Variants in IL27RA observed in about 807,000 individuals in gnomAD.
IL27RA encodes interleukin 27 receptor subunit alpha.
IL27RA carries 61 observed loss-of-function variants against 80.8 expected under a neutral mutation model. The ratio of observed to expected loss-of-function variants is 0.76; its 90% CI spans 0.61 to 0.93. The LOEUF is 0.93. Ranked by LOEUF, IL27RA falls within the 40% of genes least tolerant of loss-of-function variation. IL27RA has a pLI of 0.00. For missense variants in IL27RA, 735 were observed against 808.1 expected (o/e 0.91, Z 1.10); for synonymous variants, 316 against 332.5 (o/e 0.95, Z 0.54).
At chr19:14,032,805 C>CAAAAAAAA (rs60328140) in intron 2 of IL27RA, among the ~76,000 whole-genome samples, 1 of 60,776 alleles carries the variant, frequency 1.6e-5, no homozygotes, top group Non-Finnish European at 3.2e-5. Context: ...GACTCTGTCT[C>CAAAAAAAA]AAAAAAAAAA....
intron 2 of IL27RA, among the ~76,000 whole-genome samples, chr19:14,032,822 A>G (rs1045510933): frequency 7.5e-4 from 87 of 116,194 alleles, no homozygotes; most frequent in Middle Eastern, 4.4e-3. Context: ...AAAAAAAAAA[A>G]AAAAGAAAAG....
chr19:14,032,798 T>C (rs1975839957), intron 2 of IL27RA, among the ~76,000 whole-genome samples: 2 of 107,098 alleles, frequency 1.9e-5, no homozygotes, highest in African/African-American at 4.8e-5. Context: ...AGAGGGAGAC[T>C]CTGTCTCAAA....
chr19:14,033,863 C>T (rs1210767251), intron 2 of IL27RA, among the ~76,000 whole-genome samples: 1 of 151,904 alleles, frequency 6.6e-6, no homozygotes, highest in African/African-American at 2.4e-5. Context: ...ACTCAGGAGG[C>T]TGAGGCAGGA....
chr19:14,035,438 C>G (rs1459500836), intron 2 of IL27RA, among the ~76,000 whole-genome samples: 1 of 151,934 alleles, frequency 6.6e-6, no homozygotes, highest in African/African-American at 2.4e-5. Context: ...TCTTGTTGCC[C>G]AGGCTGGAGT....
chr19:14,035,500 A>G (rs1975884462), intron 2 of IL27RA, among the ~76,000 whole-genome samples: 1 of 152,000 alleles, frequency 6.6e-6, no homozygotes, highest in South Asian at 2.1e-4. Flanking sequence ...GGTTCCAGCA[A>G]TTCTCCTGCC....
intron 2 of IL27RA, among the ~76,000 whole-genome samples, chr19:14,033,826 T>C (rs1975857773): frequency 6.6e-6 from 1 of 151,956 alleles, no homozygotes; most frequent in Non-Finnish European, 1.5e-5. Context: ...TTAGCCGATG[T>C]GGTGGTGCAT....
chr19:14,036,423 G>A (rs1182184907), intron 2 of IL27RA, among the ~76,000 whole-genome samples: 1 of 151,398 alleles, frequency 6.6e-6, no homozygotes, highest in South Asian at 2.1e-4. Flanking sequence ...TTGTCTTTCC[G>A]TGTCTTATTT....
chr19:14,046,473 T>C lies in IL27RA; in HGVS notation c.996T>C (p.Ala332=). ...GTAGCGTGGCAGTCAGCAGCATCGCTGGGAGCACGGAGCTACTGGTGACCT... is the reference window on the plus strand; with the variant it reads ...GTAGCGTGGCAGTCAGCAGCATCGCCGGGAGCACGGAGCTACTGGTGACCT... The part of the protein sequence containing the change: ...APRSVAVSSI[A]GSTELLVTWQ... Residue 332 remains alanine, a synonymous_variant, in exon 8 of 14, where the codon GCT becomes GCC. Coordinates refer to ENST00000263379, the MANE Select transcript of IL27RA (RefSeq NM_004843.4). 6.2e-7 allele frequency: 1 copy of C among 1,614,096 alleles called. No individual in the cohort carries two copies. Among genetic ancestry groups the C allele is most frequent in the Non-Finnish European group, 8.5e-7 (1 of 1,180,018 alleles).
intron 2 of IL27RA, among the ~76,000 whole-genome samples, chr19:14,037,451 C>T (rs1051237882): frequency 1.3e-5 from 2 of 151,576 alleles, no homozygotes; most frequent in African/African-American, 4.9e-5. Flanking sequence ...GATGGGGTTT[C>T]ACGATGTTGT....
At position 14,039,668 on chromosome 19, in the gene IL27RA, A is replaced by G; in HGVS notation, c.376+3A>G. 6.2e-7 allele frequency: 1 copy of G among 1,613,038 alleles called. No individual in the cohort carries two copies. On this transcript the variant is annotated splice_donor_region_variant and intron_variant, in intron 3 of 13. Transcript: ENST00000263379. ...CTTCGTGAACCTAGAAACCCAAAGT[A>G]ACGTGGCAGGAGGGTGGGCGCTCTA...
rs1351539100 is a variant in IL27RA, at chr19:14,051,876, C to G, written c.1623-4C>G. ...TGCTGCCCTGACTACTCCTGTCTTG[C>G]CAGGTGCTACCACCTAAGGCACAAA... On this transcript the variant is annotated splice_polypyrimidine_tract_variant and splice_region_variant and intron_variant, in intron 12 of 13. Coordinates refer to ENST00000263379, the MANE Select transcript of IL27RA (RefSeq NM_004843.4). 1 of 1,574,954 alleles carries G rather than the reference C, an allele frequency of 6.3e-7. No individual in the cohort carries two copies. Among genetic ancestry groups the G allele is most frequent in the Admixed American group, 1.9e-5 (1 of 54,040 alleles).
chr19:14,046,180 C>G lies in IL27RA; in HGVS notation c.795C>G (p.Ser265Arg). Residue 265 changes from serine to arginine, a missense_variant, in exon 7 of 14, where the codon AGC becomes AGG. Coordinates refer to ENST00000263379, the MANE Select transcript of IL27RA (RefSeq NM_004843.4). ...WKAPGPCVQV[S>R]YKVWFWVGGR... is the part of the protein sequence containing the mutation. ...CCCCAGGGCCCTGTGTGCAGGTGAGCTACAAAGTCTGGTTCTGGGTTGGAG... is the reference window on the plus strand; with the variant it reads ...CCCCAGGGCCCTGTGTGCAGGTGAGGTACAAAGTCTGGTTCTGGGTTGGAG... 1 of 1,614,178 alleles carries G rather than the reference C, an allele frequency of 6.2e-7. No homozygotes were observed. The highest frequency in any genetic ancestry group is 8.5e-7 in the Non-Finnish European group (1 of 1,180,012).
At chr19:14,041,771 G>C (rs1324778948) in intron 4 of IL27RA, among the ~76,000 whole-genome samples, 1 of 152,170 alleles carries the variant, frequency 6.6e-6, no homozygotes, top group African/African-American at 2.4e-5. Flanking sequence ...TCACTCTGCT[G>C]ATAGATAAGT....
At chr19:14,037,823 G>T (rs942392256) in intron 2 of IL27RA, among the ~76,000 whole-genome samples, 9 of 135,522 alleles carry the variant, frequency 6.6e-5, no homozygotes, top group East Asian at 4.8e-4. Context: ...AGACCCTCTC[G>T]CTCTCTCTCT....
chr19:14,033,985 T>C (rs917087633), intron 2 of IL27RA, among the ~76,000 whole-genome samples: 9 of 151,800 alleles, frequency 5.9e-5, no homozygotes, highest in Non-Finnish European at 1.0e-4. Context: ...AAATAAAAAA[T>C]AAAAAAGGGA....
chr19:14,040,019 T>C, intron 4 of IL27RA, 109 bp downstream of exon 4: 1 of 1,097,078 alleles, frequency 9.1e-7, no homozygotes, highest in Admixed American at 2.2e-5. Flanking sequence ...CCCCTGAGCC[T>C]GTATGCCTCC....
chr19:14,039,473 G>A lies in IL27RA; in HGVS notation c.219-35G>A, dbSNP rs199726461. ...GTTATCAGTGGCCCTGGCTCTAGCC[G>A]AGTGTGCATCTCATCCCCGCCTCTC... On this transcript the variant is annotated intron_variant, in intron 2 of 13. Coordinates refer to ENST00000263379, the MANE Select transcript of IL27RA (RefSeq NM_004843.4). 22 of 1,586,776 alleles carry A rather than the reference G, an allele frequency of 1.4e-5. No homozygotes were observed. The Admixed American group carries it at 1.9e-4, about 14-fold the overall frequency.
At chr19:14,050,623 C>A in intron 10 of IL27RA, 135 bp from the exon 11 acceptor site, 1 of 870,562 alleles carries the variant, frequency 1.1e-6, no homozygotes. Flanking sequence ...GACCTTTGAG[C>A]AAAGACCTAA....
rs1224059661 is a variant in IL27RA at position 14,052,921 on chromosome 19, AAAAG to A, written c.*635_*638del. On this transcript the variant is annotated 3_prime_UTR_variant, in exon 14 of 14. Transcript: ENST00000263379. ...TAAAAAGCAAAAAAAAAAAAAAAAG[AAAAG>A]AAAAAACACTGCATTTGGGCACCAT... The A allele has an allele frequency of 6.6e-6, 1 of 150,670 alleles. No individual in the cohort carries two copies. 9.3% of individuals were successfully genotyped at this position (150,670 alleles called of 1,614,324 possible). A position where few individuals can be genotyped will look rare whatever the true frequency, so the allele number is the denominator to read the frequency against.
Sources: allele counts gnomAD v4.1 joint callset (sites outside exome capture counted in the v4.1 genomes callset), GRCh38; gene constraint gnomAD v4.1.1; transcripts MANE v1.5; gene names NCBI Gene and HGNC (gene_info 2026-07-23, HGNC 2026-07-21).